Variants in SYCP3 observed in about 807,000 individuals in gnomAD.
The protein encoded by SYCP3 is synaptonemal complex protein 3.
Under a neutral mutation model 38.5 loss-of-function variants are expected in SYCP3, and 29 were observed. That is an observed-to-expected ratio of 0.75 (90% CI 0.56 to 1.03). The LOEUF is 1.03. Ranked by LOEUF, SYCP3 falls within the 50% of genes least tolerant of loss-of-function variation. The pLI is 0.00. For synonymous variants in SYCP3, 79 were observed against 80.3 expected, an observed-to-expected ratio of 0.98 and a Z score of 0.08; for missense variants, 242 against 270.7, an observed-to-expected ratio of 0.89 and a Z score of 0.74.
intron 7 of SYCP3, chr12:101,730,432 G>A (rs1352600623): frequency 3.1e-5 from 13 of 413,892 alleles, no homozygotes. Flanking sequence ...CAGAGCATTG[G>A]AACAAGACAA....
At chr12:101,738,011 G>C in intron 1 of SYCP3, 59 bp from the exon 2 acceptor site, 2 of 1,575,946 alleles carry the variant, frequency 1.3e-6, no homozygotes, top group South Asian at 2.2e-5. Context: ...TAATACACTG[G>C]TAAAAGTTTA....
chr12:101,737,384 G>A, intron 2 of SYCP3, 86 bp from the exon 3 acceptor site: 1 of 1,304,818 alleles, frequency 7.7e-7, no homozygotes, highest in Non-Finnish European at 1.1e-6. Context: ...ATCTTCATTT[G>A]GGGATTTTTA....
chr12:101,729,156 A>T lies in SYCP3; in HGVS notation c.610T>A (p.Phe204Ile). ...DNLLTGAQNE[F>I]KKEMAMLQKK... ...TGCAACATAGCCATTTCTTTTTTAA[A>T]TTCATTTTGTGCACCAGTAAGTAGA... Residue 204 changes from phenylalanine to isoleucine, a missense_variant, in exon 8 of 9, where the codon TTT (phenylalanine) becomes ATT (isoleucine). Coordinates refer to ENST00000392924, the MANE Select transcript of SYCP3 (RefSeq NM_001177949.2). The T allele has an allele frequency of 1.2e-6, 2 of 1,611,894 alleles. No individual in the cohort carries two copies. Among genetic ancestry groups the T allele is most frequent in the Non-Finnish European group, 1.7e-6 (2 of 1,178,668 alleles).
chr12:101,737,322 A>AT, intron 2 of SYCP3, 24 bp from the exon 3 acceptor site: 1 of 1,578,902 alleles, frequency 6.3e-7, no homozygotes, highest in East Asian at 2.2e-5. Flanking sequence ...TAAAAAAAAA[A>AT]AAAAAAAGCT....
In SYCP3 at chr12:101,731,684, A is replaced by T. The variant is rs1369892866; in HGVS notation, c.454-18T>A. On this transcript the variant is annotated intron_variant, in intron 6 of 8. Transcript: ENST00000392924. Reference sequence around the variant, plus strand: ...AACATATTCTACAAATATAAAAGAAAAAAAACTGTGTAATAACAATTTGGG... The same window carrying T: ...AACATATTCTACAAATATAAAAGAATAAAAACTGTGTAATAACAATTTGGG... 1.3e-6 allele frequency: 2 copies of T among 1,546,786 alleles called. No homozygotes were observed. The highest frequency in any genetic ancestry group is 2.8e-5 in the African/African-American group (2 of 72,644).
chr12:101,732,516 G>A (rs1952229313), intron 6 of SYCP3: 2 of 152,230 alleles, frequency 1.3e-5, no homozygotes, highest in African/African-American at 4.8e-5. Flanking sequence ...TCGAGTTCCT[G>A]TTACAAAATG....
chr12:101,731,835 T>C (rs1379975314), intron 6 of SYCP3, 169 bp from the exon 7 acceptor site: 4 of 482,090 alleles, frequency 8.3e-6, no homozygotes, highest in Non-Finnish European at 1.5e-5. Flanking sequence ...ACCACTAATA[T>C]GTAACAATAT....
intron 7 of SYCP3, chr12:101,730,577 T>C (rs1184014345): frequency 8.2e-6 from 3 of 364,832 alleles, no homozygotes; most frequent in African/African-American, 2.3e-5. Context: ...CACTGCAACC[T>C]TTGCCTCCAG....
At chr12:101,730,103 T>A (rs576673663) in intron 7 of SYCP3, among the ~76,000 whole-genome samples, 2 of 152,148 alleles carry the variant, frequency 1.3e-5, no homozygotes, top group African/African-American at 4.8e-5. Context: ...GGAAGAGATA[T>A]ATTTTTAAAA....
At chr12:101,738,785 C>A (rs1198895997) in intron 1 of SYCP3, among the ~76,000 whole-genome samples, 1 of 152,196 alleles carries the variant, frequency 6.6e-6, no homozygotes, top group Non-Finnish European at 1.5e-5. Context: ...CGACTCCAAG[C>A]GCGCAGTGCT....
At chr12:101,732,912 C>T (rs1292781223) in intron 6 of SYCP3, 3 of 152,358 alleles carry the variant, frequency 2.0e-5, no homozygotes, top group African/African-American at 7.2e-5. Context: ...AGGTGATCCA[C>T]CCGCCTCGGC....
chr12:101,736,892 A>G (rs1163651186), intron 4 of SYCP3, 145 bp downstream of exon 4: 2 of 744,198 alleles, frequency 2.7e-6, no homozygotes, highest in African/African-American at 1.8e-5. Context: ...CTGTGATGCT[A>G]AATCACAAAT....
chr12:101,736,916 C>A, intron 4 of SYCP3, 121 bp downstream of exon 4: 2 of 892,944 alleles, frequency 2.2e-6, no homozygotes, highest in Non-Finnish European at 3.5e-6. Context: ...TATGCAGAAT[C>A]TTCTATGTGA....
intron 6 of SYCP3, 84 bp downstream of exon 6, chr12:101,733,491 C>T: frequency 3.2e-6 from 4 of 1,246,604 alleles, no homozygotes; most frequent in Non-Finnish European, 4.7e-6. Context: ...AAACCTGGCT[C>T]AGTTCCACTG....
chr12:101,728,888 T>C lies in SYCP3; in HGVS notation c.*39A>G. 1.2e-6 allele frequency: 2 copies of C among 1,612,710 alleles called. No individual in the cohort carries two copies. The highest frequency in any genetic ancestry group is 1.7e-6 in the Non-Finnish European group (2 of 1,179,136). ...CTTCTTAGCTAACGTTATAATTGTA[T>C]CATATTACTTAGGTTCAAGTTCTTT... is the stretch of plus-strand genomic sequence containing the variant. On this transcript the variant is annotated 3_prime_UTR_variant, in exon 9 of 9. Coordinates refer to ENST00000392924, the MANE Select transcript of SYCP3 (RefSeq NM_001177949.2).
rs1434969923 is a variant in SYCP3 at position 101,739,423 on chromosome 12, C to T, written c.-90G>A. ...GCGTCCTCCACAACTCCTCCACAAG[C>T]GCGCTTCACCTGAGGTGGCCCCTTC... On this transcript the variant is annotated 5_prime_UTR_variant, in exon 1 of 9. Transcript: ENST00000392924. The T allele has an allele frequency of 1.0e-6, 1 of 1,002,766 alleles. No homozygotes were observed. The highest frequency in any genetic ancestry group is 1.2e-6 in the Non-Finnish European group (1 of 830,362). The allele number at this position is 1,002,766 out of a possible 1,614,324, so 62.1% of individuals were successfully genotyped here.
intron 7 of SYCP3, chr12:101,730,732 G>C (rs146728884): frequency 1.0e-5 from 2 of 195,264 alleles, no homozygotes; most frequent in Non-Finnish European, 2.1e-5. Context: ...TGAAACCCTG[G>C]GCTCGAGTGA....
rs537928556 is a variant in SYCP3, at chr12:101,738,107, A to T, written c.-17-155T>A. 4.6e-5 allele frequency among the ~76,000 whole-genome samples: 7 copies of T among 152,302 alleles called. No individual in the cohort carries two copies. In the South Asian group the frequency reaches 6.2e-4, roughly 14 times the overall value. The stretch of plus-strand genomic sequence containing the variant: ...ATTTGGGGGGCCAAAAGTTAAGAAG[A>T]TAATGACATTTGTTAAAAAATAATA... On this transcript the variant is annotated intron_variant, in intron 1 of 8. Coordinates refer to ENST00000392924, the MANE Select transcript of SYCP3 (RefSeq NM_001177949.2).
chr12:101,730,103 T>C (rs576673663), intron 7 of SYCP3, among the ~76,000 whole-genome samples: 1 of 152,266 alleles, frequency 6.6e-6, no homozygotes, highest in African/African-American at 2.4e-5. Flanking sequence ...GGAAGAGATA[T>C]ATTTTTAAAA....
Sources: allele counts gnomAD v4.1 joint callset (sites outside exome capture counted in the v4.1 genomes callset), GRCh38; gene constraint gnomAD v4.1.1; transcripts MANE v1.5; gene names NCBI Gene and HGNC (gene_info 2026-07-23, HGNC 2026-07-21).